FAM178B: variants seen among roughly 807,000 people sequenced by gnomAD.
The protein encoded by FAM178B is protein FAM178B.
Under a neutral mutation model 91.7 loss-of-function variants are expected in FAM178B, and 82 were observed. That is an observed-to-expected ratio of 0.89 (90% CI 0.75 to 1.07). FAM178B has a LOEUF of 1.07. Among genes scored for constraint, FAM178B ranks in the 50% least tolerant of loss-of-function variants. FAM178B has a pLI of 0.00. For missense variants in FAM178B, 769 were observed against 846.7 expected, an observed-to-expected ratio of 0.91 and a Z score of 1.14; for synonymous variants, 368 against 359.4, an observed-to-expected ratio of 1.02 and a Z score of -0.27.
chr2:96,953,672 G>T (rs557748429), intron 6 of FAM178B, among the ~76,000 whole-genome samples: 1 of 152,312 alleles, frequency 6.6e-6, no homozygotes, highest in East Asian at 1.9e-4. Flanking sequence ...GTCCTGCTCT[G>T]CCCTGAGGTG....
At chr2:96,945,230 G>A (rs940392937) in intron 8 of FAM178B, among the ~76,000 whole-genome samples, 1 of 152,124 alleles carries the variant, frequency 6.6e-6, no homozygotes, top group Non-Finnish European at 1.5e-5. Context: ...ATGTACACGT[G>A]TTGCTTCTCA....
chr2:96,881,366 C>G (rs1369502957), intron 14 of FAM178B, among the ~76,000 whole-genome samples: 2 of 151,728 alleles, frequency 1.3e-5, no homozygotes, highest in Non-Finnish European at 2.9e-5. Flanking sequence ...AGAAAACATC[C>G]AAGGGTTATC....
intron 14 of FAM178B, among the ~76,000 whole-genome samples, chr2:96,888,835 C>T (rs1362225855): frequency 6.6e-6 from 1 of 152,196 alleles, no homozygotes; most frequent in Non-Finnish European, 1.5e-5. Context: ...GTGGAGTTGG[C>T]ACAGCTGGGC....
chr2:96,907,207 C>G (rs947806273), intron 12 of FAM178B, among the ~76,000 whole-genome samples: 3 of 152,214 alleles, frequency 2.0e-5, no homozygotes, highest in Middle Eastern at 3.2e-3. Context: ...CCTTTTAAAC[C>G]CCGTCCTGCA....
At chr2:96,879,973 C>G (rs2153367172) in intron 14 of FAM178B, among the ~76,000 whole-genome samples, 1 of 152,342 alleles carries the variant, frequency 6.6e-6, no homozygotes, top group South Asian at 2.1e-4. Context: ...CAGCTCACTG[C>G]CCCCTTGTCA....
intron 12 of FAM178B, among the ~76,000 whole-genome samples, chr2:96,903,727 C>T (rs1247410743): frequency 1.3e-5 from 2 of 152,202 alleles, no homozygotes; most frequent in African/African-American, 2.4e-5. Flanking sequence ...TGCCTGGAAC[C>T]CCTGGCCCCT....
intron 6 of FAM178B, among the ~76,000 whole-genome samples, chr2:96,957,341 G>A (rs974413641): frequency 2.6e-5 from 4 of 152,144 alleles, no homozygotes; most frequent in South Asian, 2.1e-4. Context: ...AGTGGGCCTC[G>A]CCACTGCCCG....
intron 8 of FAM178B, among the ~76,000 whole-genome samples, chr2:96,937,442 G>A (rs2081651621): frequency 6.6e-6 from 1 of 152,140 alleles, no homozygotes; most frequent in African/African-American, 2.4e-5. Context: ...AGGGTGGTGG[G>A]GGTGGGCAGG....
intron 4 of FAM178B, 142 bp downstream of exon 4, chr2:96,970,574 C>T: frequency 1.6e-6 from 1 of 612,094 alleles, no homozygotes. Context: ...GGCGACCTGC[C>T]TGTTACTGAT....
At chr2:96,884,119 T>TA (rs1357890226) in intron 14 of FAM178B, among the ~76,000 whole-genome samples, 1 of 152,080 alleles carries the variant, frequency 6.6e-6, no homozygotes, top group Non-Finnish European at 1.5e-5. Context: ...TAAACCTATA[T>TA]AGTACCACTT....
At chr2:96,968,927 T>C (rs1191863986) in intron 4 of FAM178B, among the ~76,000 whole-genome samples, 2 of 152,210 alleles carry the variant, frequency 1.3e-5, no homozygotes, top group African/African-American at 4.8e-5. Flanking sequence ...ACTGAGAATT[T>C]GGGTCCTAAC....
intron 5 of FAM178B, 40 bp downstream of exon 5, chr2:96,967,479 CT>C (rs1436003950): frequency 2.2e-6 from 3 of 1,348,366 alleles, no homozygotes. Context: ...GCACCTCAGT[CT>C]TTCCCCTTCG....
intron 6 of FAM178B, chr2:96,951,859 A>G (rs1164683383): frequency 1.1e-5 from 2 of 174,398 alleles, no homozygotes; most frequent in Non-Finnish European, 2.5e-5. Flanking sequence ...TGTCTCTACT[A>G]AAAATACAAA....
intron 13 of FAM178B, among the ~76,000 whole-genome samples, chr2:96,900,217 C>G (rs1177084252): frequency 1.3e-5 from 2 of 152,236 alleles, no homozygotes; most frequent in Admixed American, 1.3e-4. Flanking sequence ...ATCTTGTGCT[C>G]CCCCCTGCCT....
chr2:96,890,783 A>AAACTCTCCTGTGTT (rs1559053253), intron 14 of FAM178B, among the ~76,000 whole-genome samples: 1 of 152,160 alleles, frequency 6.6e-6, no homozygotes, highest in Non-Finnish European at 1.5e-5. Flanking sequence ...TCTAAGTATT[A>AAACTCTCCTGTGTT]AACTCTCCTG....
At chr2:96,978,974 CTTTTTTTT>C (rs559416706) in intron 1 of FAM178B, among the ~76,000 whole-genome samples, 13 of 56,810 alleles carry the variant, frequency 2.3e-4, no homozygotes, top group East Asian at 7.7e-4. Context: ...GTATGTATCA[CTTTTTTTT>C]TTTTTTTTTT....
chr2:96,906,989 G>A (rs1460838658), intron 12 of FAM178B, among the ~76,000 whole-genome samples: 3 of 152,238 alleles, frequency 2.0e-5, no homozygotes, highest in Admixed American at 2.0e-4. Flanking sequence ...GAGGGGAGCA[G>A]GCAGGCCGGC....
In FAM178B at chr2:96,876,309, C is replaced by T. The variant is rs939697123; in HGVS notation, c.2008-1G>A. On this transcript the variant is annotated splice_acceptor_variant, in intron 16 of 16. Transcript: ENST00000490605. LOFTEE classifies it high-confidence loss of function. ...CTTTCCAGGGGCTGAAATACTGGGC[C>T]TGCGGCGAGGAGAAAAGCAGGCTGT... 2.5e-6 allele frequency: 4 copies of T among 1,602,210 alleles called. No individual in the cohort carries two copies. In the South Asian group the frequency reaches 4.5e-5, roughly 18 times the overall value.
intron 6 of FAM178B, among the ~76,000 whole-genome samples, chr2:96,959,001 C>T (rs901030959): frequency 6.6e-6 from 1 of 151,668 alleles, no homozygotes; most frequent in Non-Finnish European, 1.5e-5. Context: ...GAATTCGAGA[C>T]CAGCCTGACC....
Sources: allele counts gnomAD v4.1 joint callset (sites outside exome capture counted in the v4.1 genomes callset), GRCh38; gene constraint gnomAD v4.1.1; transcripts MANE v1.5; gene names NCBI Gene and HGNC (gene_info 2026-07-23, HGNC 2026-07-21).